The following FRY variants were observed in gnomAD, a reference collection of about 807,000 sequenced individuals.
The protein encoded by FRY is protein furry homolog.
A neutral mutation model predicts 348.4 loss-of-function variants in FRY; 128 were observed. That is an observed-to-expected ratio of 0.37 (90% CI 0.32 to 0.43). FRY has a LOEUF of 0.43. Ranked by LOEUF, FRY falls within the 20% of genes least tolerant of loss-of-function variation. The pLI is 1.00. For synonymous variants in FRY, 1,370 were observed against 1,374.7 expected (o/e 1.00, Z 0.08); for missense variants, 2,736 against 3,695.2 (o/e 0.74, Z 6.73).
In FRY at chr13:32,134,885, C is replaced by T. The variant is rs1288059319; in HGVS notation, c.886-19C>T. The T allele has an allele frequency of 2.0e-6, 3 of 1,502,526 alleles. No homozygotes were observed. Among genetic ancestry groups the T allele is most frequent in the African/African-American group, 2.7e-5 (2 of 72,878 alleles). The allele number at this position is 1,502,526 out of a possible 1,614,324, so 93.1% of individuals were successfully genotyped here. On this transcript the variant is annotated intron_variant, in intron 8 of 60. Coordinates refer to ENST00000542859, the MANE Select transcript of FRY (RefSeq NM_023037.3). ...TTTCAACCTACTCTCCCTCCCTATA[C>T]TCTTTTTCTGCTTCCCAGGAATGTG...
chr13:32,079,885 TAAG>T (rs1875367949), intron 2 of FRY, among the ~76,000 whole-genome samples: 1 of 152,200 alleles, frequency 6.6e-6, no homozygotes, highest in South Asian at 2.1e-4. Flanking sequence ...ACTGGGGCAA[TAAG>T]AAGATAATCA....
chr13:32,260,398 T>TTCCTA (rs1176706337), intron 51 of FRY, among the ~76,000 whole-genome samples: 1 of 50,182 alleles, frequency 2.0e-5, no homozygotes, highest in Non-Finnish European at 8.2e-5. Flanking sequence ...TCTTCCTTTA[T>TTCCTA]TCCTAACAGA....
At chr13:32,228,714 C>T (rs368836329) in intron 40 of FRY, 60 bp downstream of exon 40, 49 of 1,358,722 alleles carry the variant, frequency 3.6e-5, no homozygotes, top group African/African-American at 3.6e-4. Context: ...AAATTGCCAA[C>T]GCTTTAAACC....
chr13:32,113,015 GA>G (rs71655183), intron 3 of FRY, among the ~76,000 whole-genome samples: 3,284 of 151,872 alleles, frequency 0.022, 122 homozygotes, highest in African/African-American at 0.075. Context: ...TAACTTGAAT[GA>G]AAAAAAATAT....
At position 32,212,350 on chromosome 13, in the gene FRY, G is replaced by T; in HGVS notation, c.4650G>T (p.Glu1550Asp). 6.2e-7 allele frequency: 1 copy of T among 1,608,708 alleles called. No homozygotes were observed. Among genetic ancestry groups the T allele is most frequent in the East Asian group, 2.2e-5 (1 of 44,714 alleles). The stretch of plus-strand genomic sequence containing the variant: ...GCCAGGAAAATTTCCCAGATGCTGA[G>T]GAGAACAAGATATTGAAAGAATCTG... ...VAGQENFPDA[E>D]ENKILKESDE... is the part of the protein sequence containing the mutation. The change falls in exon 35 of 61, where the codon GAG becomes GAT. Residue 1550 changes from glutamate (E) to aspartate (D), a missense_variant. Physicochemically the swap from Glu to Asp is conservative, Grantham distance 45. Around this residue, in one of 9 missense-constraint regions of FRY, gnomAD observed 794 missense variants for 977.0 expected, o/e 0.81. Transcript: ENST00000542859.
chr13:32,171,818 T>C (rs1015290902), intron 18 of FRY, among the ~76,000 whole-genome samples: 1 of 53,392 alleles, frequency 1.9e-5, no homozygotes, highest in Admixed American at 2.1e-4. Flanking sequence ...GGAATAGAAA[T>C]TGGTTTTTTC....
intron 51 of FRY, chr13:32,257,858 G>T: frequency 1.1e-6 from 1 of 936,236 alleles, no homozygotes; most frequent in Admixed American, 1.8e-5. Flanking sequence ...AGCACTGTTG[G>T]TTAATGTTGT....
At chr13:32,150,369 G>A (rs890233275) in intron 14 of FRY, among the ~76,000 whole-genome samples, 13 of 152,208 alleles carry the variant, frequency 8.5e-5, no homozygotes, top group Non-Finnish European at 1.9e-4. Flanking sequence ...CACATGAACA[G>A]CACATATAAT....
intron 3 of FRY, among the ~76,000 whole-genome samples, chr13:32,111,702 C>T (rs552090634): frequency 6.6e-6 from 1 of 152,316 alleles, no homozygotes; most frequent in South Asian, 2.1e-4. Flanking sequence ...GAGCTTCACA[C>T]TGTGCCTTCT....
In FRY at chr13:32,149,853, T is replaced by G. The variant is rs776528970; in HGVS notation, c.1479+19T>G. ...CCCAGAGGTATGAATGATCCTTTTA[T>G]GTACTTCTAACAGAGCATGTCTTCC... On this transcript the variant is annotated intron_variant, in intron 14 of 60. Coordinates refer to ENST00000542859, the MANE Select transcript of FRY (RefSeq NM_023037.3). The G allele has an allele frequency of 2.1e-6, 3 of 1,452,924 alleles. No homozygotes were observed. Among genetic ancestry groups the G allele is most frequent in the Middle Eastern group, 1.7e-4 (1 of 5,760 alleles). The allele number at this position is 1,452,924 out of a possible 1,614,324, so 90.0% of individuals were successfully genotyped here.
At chr13:32,137,746 T>A (rs1318272902) in intron 11 of FRY, among the ~76,000 whole-genome samples, 3 of 152,264 alleles carry the variant, frequency 2.0e-5, no homozygotes, top group Non-Finnish European at 4.4e-5. Context: ...GTGATTAAAT[T>A]TCTTTTACCA....
chr13:32,188,825 T>G (rs1883171970), intron 28 of FRY, among the ~76,000 whole-genome samples: 1 of 152,118 alleles, frequency 6.6e-6, no homozygotes, highest in Non-Finnish European at 1.5e-5. Flanking sequence ...TGTTGAAAAT[T>G]TTCATTGAAA....
chr13:32,080,735 A>G (rs1051472097), intron 2 of FRY, among the ~76,000 whole-genome samples: 2 of 152,172 alleles, frequency 1.3e-5, no homozygotes, highest in African/African-American at 4.8e-5. Context: ...GAGGGAGGGA[A>G]GCTACCTCCA....
Position 32,178,415 on chromosome 13 carries a change from T to C in FRY, c.2660T>C (p.Val887Ala), listed in dbSNP as rs1882498646. 6.2e-7 allele frequency: 1 copy of C among 1,614,072 alleles called. No individual in the cohort carries two copies. The highest frequency in any genetic ancestry group is 1.1e-5 in the South Asian group (1 of 91,090). Reference protein sequence around the residue: ...WPYAFTRLQSVMPLVDPNSPI... With the variant: ...WPYAFTRLQSAMPLVDPNSPI... ...TATGCCTTCACTCGGCTCCAGTCGG[T>C]GATGCCTCTGGTGGACCCAAAGTAA... is the stretch of plus-strand genomic sequence containing the variant. Residue 887 changes from valine to alanine, a missense_variant, in exon 21 of 61, where the codon GTG (valine) becomes GCG (alanine). By Grantham distance (64) the Val-to-Ala change is moderately conservative (BLOSUM62 0). Coordinates refer to ENST00000542859, the MANE Select transcript of FRY (RefSeq NM_023037.3).
intron 1 of FRY, among the ~76,000 whole-genome samples, chr13:32,053,444 T>C (rs971429947): frequency 6.6e-6 from 1 of 152,222 alleles, no homozygotes; most frequent in Non-Finnish European, 1.5e-5. Context: ...GTATAGATAC[T>C]ATTAAAATGC....
rs1881173968 is a variant in FRY at position 32,157,291 on chromosome 13, C to T, written c.1670C>T (p.Ser557Phe). 6.2e-7 allele frequency: 1 copy of T among 1,612,248 alleles called. No individual in the cohort carries two copies. The highest frequency in any genetic ancestry group is 1.1e-5 in the South Asian group (1 of 91,050). The change falls in exon 16 of 61, where the codon TCT becomes TTT. Residue 557 changes from serine to phenylalanine, a missense_variant. By Grantham distance (155) the Ser-to-Phe change is radical (BLOSUM62 -2). Transcript: ENST00000542859. ...AKMIGMSLYYSQVRKAVDNIL... is the reference protein window; with the variant it reads ...AKMIGMSLYYFQVRKAVDNIL... ...TTTTCAGGCATGTCCTTATATTACTCTCAAGTACGAAAAGCTGTAGACAAC... is the reference window on the plus strand; with the variant it reads ...TTTTCAGGCATGTCCTTATATTACTTTCAAGTACGAAAAGCTGTAGACAAC...
intron 51 of FRY, among the ~76,000 whole-genome samples, chr13:32,259,576 C>T (rs761129459): frequency 5.9e-5 from 9 of 152,208 alleles, no homozygotes; most frequent in South Asian, 4.1e-4. Context: ...CCTCCAGAAT[C>T]GCTGCCTAAG....
chr13:32,121,293 G>A (rs1002685180), intron 4 of FRY, among the ~76,000 whole-genome samples: 1 of 152,166 alleles, frequency 6.6e-6, no homozygotes, highest in Non-Finnish European at 1.5e-5. Context: ...ACCCAGTAGT[G>A]GGATTGCTGG....
chr13:32,273,074 T>TA (rs1244046842), intron 55 of FRY, among the ~76,000 whole-genome samples: 1 of 151,954 alleles, frequency 6.6e-6, no homozygotes, highest in African/African-American at 2.4e-5. Context: ...TGTTTTTTGT[T>TA]TTTTGTTTTT....
Sources: gnomAD v4.1 joint callset for allele counts (sites outside exome capture counted in the v4.1 genomes callset) on GRCh38, gnomAD v4.1.1 for gene constraint, gnomAD v4.1.1 regional missense constraint, MANE v1.5 for transcripts, NCBI Gene and HGNC (gene_info 2026-07-23, HGNC 2026-07-21) for gene names.